The following TSPEAR variants were observed in gnomAD, a reference collection of about 807,000 sequenced individuals.
TSPEAR encodes thrombospondin-type laminin G domain and EAR repeat-containing protein.
TSPEAR carries 69 observed loss-of-function variants against 71.6 expected under a neutral mutation model. The observed-to-expected ratio is 0.96, with a 90% CI of 0.79 to 1.18. The LOEUF is 1.18. TSPEAR is among the 50% of genes most tolerant of loss of function. The pLI is 0.00. For synonymous variants in TSPEAR, 402 were observed against 387.2 expected, an observed-to-expected ratio of 1.04 and a Z score of -0.45; for missense variants, 971 against 894.9, an observed-to-expected ratio of 1.09 and a Z score of -1.09.
chr21:44,707,675 C>T (rs1555952744), intron 1 of TSPEAR, among the ~76,000 whole-genome samples: 1 of 152,082 alleles, frequency 6.6e-6, no homozygotes. Flanking sequence ...TTCAGGAGTC[C>T]CAGAGTGACC....
intron 9 of TSPEAR, among the ~76,000 whole-genome samples, chr21:44,513,140 G>A (rs1331080192): frequency 2.0e-5 from 3 of 152,250 alleles, no homozygotes; most frequent in Non-Finnish European, 4.4e-5. Context: ...CCCACGGGGT[G>A]TCACCGGCTC....
chr21:44,678,186 A>G, intron 1 of TSPEAR: 1 of 451,820 alleles, frequency 2.2e-6, no homozygotes, highest in Non-Finnish European at 4.0e-6. Context: ...TATTTTTATC[A>G]CTCCTATTGA....
intron 1 of TSPEAR, among the ~76,000 whole-genome samples, chr21:44,708,616 G>A (rs1988059775): frequency 6.6e-6 from 1 of 152,168 alleles, no homozygotes; most frequent in African/African-American, 2.4e-5. Context: ...CCAGCTCCTG[G>A]GATGCACACT....
At chr21:44,672,294 G>A (rs1986091845) in intron 1 of TSPEAR, among the ~76,000 whole-genome samples, 1 of 152,240 alleles carries the variant, frequency 6.6e-6, no homozygotes. Flanking sequence ...AAATAGGCCA[G>A]GCACAGTGGC....
rs587661760 is a variant in TSPEAR at position 44,675,570 on chromosome 21, G to A, written c.82+35863C>T. Among the ~76,000 whole-genome samples the A allele has an allele frequency of 9.8e-4, 148 of 151,704 alleles. 1 individual carries two copies. The highest frequency in any genetic ancestry group is 3.4e-3 in the African/African-American group (142 of 41,330). On this transcript the variant is annotated intron_variant, in intron 1 of 11. Transcript: ENST00000323084. ...TCATCTTGTTTATTCAGTTTGCTCCGAGGGCAAAATCAACAGTAGTAGAGA... is the reference window on the plus strand; with the variant it reads ...TCATCTTGTTTATTCAGTTTGCTCCAAGGGCAAAATCAACAGTAGTAGAGA...
chr21:44,688,151 A>G (rs559211900), intron 1 of TSPEAR, among the ~76,000 whole-genome samples: 17 of 152,368 alleles, frequency 1.1e-4, no homozygotes, highest in Admixed American at 8.5e-4. Flanking sequence ...GAAGCCACAC[A>G]TGAGATCCTT....
intron 1 of TSPEAR, among the ~76,000 whole-genome samples, chr21:44,602,331 G>A (rs1372298747): frequency 6.6e-6 from 1 of 152,206 alleles, no homozygotes; most frequent in Non-Finnish European, 1.5e-5. Flanking sequence ...TGTCCGAGGG[G>A]TAGGCAGGAC....
intron 1 of TSPEAR, among the ~76,000 whole-genome samples, chr21:44,581,174 T>C (rs1268469484): frequency 3.9e-5 from 6 of 152,220 alleles, no homozygotes; most frequent in Non-Finnish European, 5.9e-5. Flanking sequence ...TCCTTGTCTC[T>C]TCAGCTCTTC....
chr21:44,504,944 GC>G, intron 10 of TSPEAR, 63 bp from the exon 11 acceptor site: 1 of 1,365,422 alleles, frequency 7.3e-7, no homozygotes, highest in Non-Finnish European at 1.0e-6. Context: ...TGGGGGATTG[GC>G]CAGAAGCTAC....
intron 1 of TSPEAR, chr21:44,627,925 G>A (rs1982972652): frequency 1.3e-6 from 2 of 1,518,782 alleles, no homozygotes; most frequent in Non-Finnish European, 1.8e-6. Flanking sequence ...CTCCTGCTGT[G>A]CCCCCACCTC....
intron 1 of TSPEAR, chr21:44,574,560 C>T (rs782804372): frequency 6.2e-7 from 1 of 1,609,592 alleles, no homozygotes; most frequent in Non-Finnish European, 8.5e-7. Context: ...TCCCTGCCAG[C>T]AGGCTTGCTG....
intron 1 of TSPEAR, among the ~76,000 whole-genome samples, chr21:44,707,834 A>G (rs1988012486): frequency 6.6e-6 from 1 of 152,122 alleles, no homozygotes; most frequent in South Asian, 2.1e-4. Context: ...GTAAATAAAC[A>G]TGATAGAAAA....
At chr21:44,505,871 G>A (rs1304389313) in intron 10 of TSPEAR, among the ~76,000 whole-genome samples, 2 of 152,038 alleles carry the variant, frequency 1.3e-5, no homozygotes, top group Non-Finnish European at 2.9e-5. Context: ...ATGAACACCG[G>A]GGTACAAAAG....
chr21:44,582,100 T>A (rs1384916560), intron 1 of TSPEAR, among the ~76,000 whole-genome samples: 1 of 152,228 alleles, frequency 6.6e-6, no homozygotes, highest in African/African-American at 2.4e-5. Context: ...TCGATGCTCC[T>A]TTCAGGAAAT....
intron 1 of TSPEAR, among the ~76,000 whole-genome samples, chr21:44,592,749 C>T (rs140607459): frequency 2.0e-4 from 30 of 152,224 alleles, no homozygotes; most frequent in Non-Finnish European, 2.9e-4. Context: ...CAGCTGGGTT[C>T]GGGGAGCTGG....
At chr21:44,582,765 C>T (rs1312033061) in intron 1 of TSPEAR, among the ~76,000 whole-genome samples, 2 of 152,192 alleles carry the variant, frequency 1.3e-5, no homozygotes, top group Non-Finnish European at 2.9e-5. Context: ...GCAGTTTCCA[C>T]GGACAATTGA....
chr21:44,633,194 T>C (rs1266346712), intron 1 of TSPEAR, among the ~76,000 whole-genome samples: 1 of 152,182 alleles, frequency 6.6e-6, no homozygotes, highest in Admixed American at 6.5e-5. Context: ...TTGGTTCCAT[T>C]GTTTTTCTAT....
At chr21:44,606,188 A>G (rs891242441) in intron 1 of TSPEAR, among the ~76,000 whole-genome samples, 5 of 149,844 alleles carry the variant, frequency 3.3e-5, no homozygotes, top group South Asian at 2.1e-4. Context: ...AAAAAACTAC[A>G]TAAATAAATA....
intron 1 of TSPEAR, among the ~76,000 whole-genome samples, chr21:44,589,036 C>G (rs115790654): frequency 0.013 from 1,941 of 152,144 alleles, 33 homozygotes; most frequent in African/African-American, 0.043. Context: ...TAAAAAACTA[C>G]AAATAGGGTG....
Sources: allele counts gnomAD v4.1 joint callset (sites outside exome capture counted in the v4.1 genomes callset), GRCh38; gene constraint gnomAD v4.1.1; transcripts MANE v1.5; gene names NCBI Gene and HGNC (gene_info 2026-07-23, HGNC 2026-07-21).